ANO2: variants seen among roughly 807,000 people sequenced by gnomAD.
The protein encoded by ANO2 is anoctamin-2.
A neutral mutation model predicts 124.2 loss-of-function variants in ANO2; 101 were observed. That is an observed-to-expected ratio of 0.81 (90% CI 0.69 to 0.96). ANO2 has a LOEUF of 0.96. Ranked by LOEUF, ANO2 falls within the 40% of genes least tolerant of loss-of-function variation. The pLI is 0.00. For missense variants in ANO2, 1,293 were observed against 1,274.5 expected, an observed-to-expected ratio of 1.01 and a Z score of -0.22; for synonymous variants, 486 against 482.5, an observed-to-expected ratio of 1.01 and a Z score of -0.09.
intron 14 of ANO2, among the ~76,000 whole-genome samples, chr12:5,731,243 T>C (rs1363167806): frequency 1.3e-5 from 2 of 152,198 alleles, no homozygotes; most frequent in Non-Finnish European, 2.9e-5. Flanking sequence ...TGATTAGTCT[T>C]TCCTAAGAAT....
chr12:5,839,753 G>A (rs370966396), intron 4 of ANO2: 17 of 399,534 alleles, frequency 4.3e-5, no homozygotes, highest in South Asian at 2.2e-4. Context: ...TACAAACTCT[G>A]TCAGGTGTGC....
At chr12:5,606,360 G>A (rs766346201) in intron 19 of ANO2, among the ~76,000 whole-genome samples, 1 of 152,124 alleles carries the variant, frequency 6.6e-6, no homozygotes, top group East Asian at 1.9e-4. Context: ...AAACATCTTT[G>A]GCTTGCTACT....
chr12:5,725,124 C>CACAT lies in ANO2; in HGVS notation c.1545+7395_1545+7396insATGT, dbSNP rs1555147523. Among the ~76,000 whole-genome samples, 1,421 of 148,466 alleles carry CACAT rather than the reference C, an allele frequency of 9.6e-3. 12 individuals carry two copies. The highest frequency in any genetic ancestry group is 0.011 in the Admixed American group (159 of 14,842). On this transcript the variant is annotated intron_variant, in intron 14 of 24. Coordinates refer to ENST00000682330, the MANE Select transcript of ANO2 (RefSeq NM_001364791.2). Reference sequence around the variant, plus strand: ...ACACACACACACACACACACACACACGCAAACACAATCTCACACCACTGGC... The same window carrying CACAT: ...ACACACACACACACACACACACACACACATGCAAACACAATCTCACACCACTGGC...
chr12:5,684,548 A>C (rs3782628), intron 14 of ANO2, among the ~76,000 whole-genome samples: 56,788 of 151,990 alleles, frequency 0.37, 12,373 homozygotes, highest in East Asian at 0.59. Flanking sequence ...TCCTCCACAG[A>C]GTACAACTTC....
At chr12:5,651,878 A>G (rs748612323) in intron 14 of ANO2, among the ~76,000 whole-genome samples, 9 of 152,184 alleles carry the variant, frequency 5.9e-5, no homozygotes, top group Non-Finnish European at 1.2e-4. Flanking sequence ...CTGACTTAGC[A>G]TAGTGCATTT....
chr12:5,747,140 T>C (rs1165801532), intron 11 of ANO2, among the ~76,000 whole-genome samples: 1 of 152,228 alleles, frequency 6.6e-6, no homozygotes, highest in Non-Finnish European at 1.5e-5. Flanking sequence ...AAGTGCACGC[T>C]GGGCCCCTCT....
intron 10 of ANO2, among the ~76,000 whole-genome samples, chr12:5,768,508 T>C (rs535338496): frequency 2.0e-5 from 3 of 152,332 alleles, no homozygotes; most frequent in Admixed American, 1.3e-4. Flanking sequence ...CATTAAACAA[T>C]GCCACTAGTC....
chr12:5,889,464 C>T (rs1380795570), intron 3 of ANO2, among the ~76,000 whole-genome samples: 1 of 152,264 alleles, frequency 6.6e-6, no homozygotes, highest in African/African-American at 2.4e-5. Context: ...AAAGCAATTA[C>T]ATTACATTAC....
intron 3 of ANO2, among the ~76,000 whole-genome samples, chr12:5,887,495 G>A (rs1248920274): frequency 6.6e-6 from 1 of 152,220 alleles, no homozygotes; most frequent in Non-Finnish European, 1.5e-5. Context: ...AGCAGAGCCT[G>A]CCAACAGCGT....
chr12:5,799,862 G>A (rs996442068), intron 9 of ANO2, among the ~76,000 whole-genome samples: 2 of 152,144 alleles, frequency 1.3e-5, no homozygotes, highest in Non-Finnish European at 2.9e-5. Context: ...GAGCCCTAAT[G>A]TTCATGATTC....
chr12:5,820,959 C>T (rs1013949811), intron 7 of ANO2, among the ~76,000 whole-genome samples: 1 of 152,254 alleles, frequency 6.6e-6, no homozygotes, highest in Non-Finnish European at 1.5e-5. Context: ...GAAGCAATTT[C>T]CCTTCAGCTG....
chr12:5,640,480 C>A (rs555392382), intron 15 of ANO2, among the ~76,000 whole-genome samples: 2 of 152,252 alleles, frequency 1.3e-5, no homozygotes, highest in African/African-American at 4.8e-5. Flanking sequence ...ATCTGCCCAT[C>A]TGACAAAGGG....
At chr12:5,581,639 T>C (rs1942762018) in intron 20 of ANO2, among the ~76,000 whole-genome samples, 1 of 152,166 alleles carries the variant, frequency 6.6e-6, no homozygotes. Flanking sequence ...GGCTTGATGC[T>C]CTCTAATAGC....
chr12:5,850,213 C>T (rs541133968), intron 4 of ANO2, among the ~76,000 whole-genome samples: 166 of 151,658 alleles, frequency 1.1e-3, no homozygotes, highest in South Asian at 2.5e-3. Flanking sequence ...GTCAGGAGTT[C>T]GAGACCAGCC....
chr12:5,739,427 CT>C, intron 12 of ANO2, 28 bp from the exon 13 acceptor site: 1 of 1,560,170 alleles, frequency 6.4e-7, no homozygotes, highest in Non-Finnish European at 8.7e-7. Context: ...GAACAAAAAC[CT>C]TGATTATTTT....
At chr12:5,873,697 T>A (rs188512402) in intron 3 of ANO2, among the ~76,000 whole-genome samples, 24 of 152,338 alleles carry the variant, frequency 1.6e-4, no homozygotes, top group African/African-American at 5.5e-4. Context: ...TGAAGATGCA[T>A]GGCACCCCGA....
intron 3 of ANO2, among the ~76,000 whole-genome samples, chr12:5,865,689 C>T (rs1018571955): frequency 8.7e-5 from 13 of 150,166 alleles, no homozygotes; most frequent in African/African-American, 2.9e-4. Context: ...TATCATGCCA[C>T]CACAGCATTA....
intron 14 of ANO2, among the ~76,000 whole-genome samples, chr12:5,655,281 C>T (rs1053074487): frequency 1.3e-5 from 2 of 152,124 alleles, no homozygotes; most frequent in Non-Finnish European, 2.9e-5. Flanking sequence ...CCAGTCTTTC[C>T]GCCTTTCCTT....
At position 5,922,589 on chromosome 12, in the gene ANO2, T is replaced by TCCCCCCC. The variant is rs113271594; in HGVS notation, c.207+30_207+31insGGGGGGG. The TCCCCCCC allele has an allele frequency of 8.3e-6, 12 of 1,449,938 alleles. No homozygotes were observed. The African/African-American group carries it at 1.7e-4, about 21-fold the overall frequency. The allele number at this position is 1,449,938 out of a possible 1,614,324, so 89.8% of individuals were successfully genotyped here. ...GGTGGCCTGCAACAGGGCTGGCCTATCCCCCCACCCCACCCCCGCCCAGTA... is the reference window on the plus strand; with the variant it reads ...GGTGGCCTGCAACAGGGCTGGCCTATCCCCCCCCCCCCCACCCCACCCCCGCCCAGTA... On this transcript the variant is annotated intron_variant, in intron 2 of 24. Coordinates refer to ENST00000682330, the MANE Select transcript of ANO2 (RefSeq NM_001364791.2).
Sources: allele counts gnomAD v4.1 joint callset (sites outside exome capture counted in the v4.1 genomes callset), GRCh38; gene constraint gnomAD v4.1.1; transcripts MANE v1.5; gene names NCBI Gene and HGNC (gene_info 2026-07-23, HGNC 2026-07-21).